CCDC171: variants seen among roughly 807,000 people sequenced by gnomAD.
CCDC171 encodes the protein coiled-coil domain containing 171, also known as coiled-coil domain-containing protein 171.
A neutral mutation model predicts 168.2 loss-of-function variants in CCDC171; 177 were observed. That is an observed-to-expected ratio of 1.05 (90% CI 0.93 to 1.19). The LOEUF (loss-of-function observed/expected upper bound fraction) is 1.19. CCDC171 is among the 50% of genes most tolerant of loss of function. CCDC171 has a pLI of 0.00. For synonymous variants in CCDC171, 687 were observed against 540.8 expected (o/e 1.27, Z -3.75); for missense variants, 1,991 against 1,539.0 (o/e 1.29, Z -4.91).
rs143355887 is a variant in CCDC171 at position 15,661,056 on chromosome 9, G to A, written c.915+3837G>A. ...AGCACTTTGGGAGGCCGAGGCGGGT[G>A]GATCATGAGGTCAGGAGATCGAGAC... is the stretch of plus-strand genomic sequence containing the variant. On this transcript the variant is annotated intron_variant, in intron 8 of 25. Transcript: ENST00000380701. Among the ~76,000 whole-genome samples the A allele has an allele frequency of 7.7e-4, 118 of 152,296 alleles. 1 individual carries two copies. The highest frequency in any genetic ancestry group is 2.6e-3 in the African/African-American group (110 of 41,562).
At chr9:15,724,723 C>G (rs953348797) in intron 13 of CCDC171, 53 bp from the exon 14 acceptor site, 1 of 1,215,942 alleles carries the variant, frequency 8.2e-7, no homozygotes, top group African/African-American at 1.5e-5. Flanking sequence ...AGTGTCCCCT[C>G]ACCCCTTGTT....
At chr9:15,737,743 T>C (rs1210095275) in intron 16 of CCDC171, among the ~76,000 whole-genome samples, 1 of 152,178 alleles carries the variant, frequency 6.6e-6, no homozygotes, top group African/African-American at 2.4e-5. Context: ...GTAATGAAGA[T>C]AGTGTTTTAA....
At chr9:15,802,859 T>C (rs1025814504) in intron 21 of CCDC171, among the ~76,000 whole-genome samples, 28 of 152,168 alleles carry the variant, frequency 1.8e-4, no homozygotes, top group African/African-American at 6.8e-4. Context: ...TCAAACTAAT[T>C]TACACTCCCA....
chr9:15,770,338 C>T (rs1236373864), intron 18 of CCDC171, among the ~76,000 whole-genome samples: 1 of 152,142 alleles, frequency 6.6e-6, no homozygotes, highest in Non-Finnish European at 1.5e-5. Flanking sequence ...CTGTCTTGTA[C>T]TTAATGGATT....
intron 2 of CCDC171, among the ~76,000 whole-genome samples, chr9:15,569,155 C>T (rs111537824): frequency 2.0e-5 from 3 of 152,226 alleles, no homozygotes; most frequent in East Asian, 3.9e-4. Context: ...TAGGCCTTTT[C>T]GGTTTGAAAC....
At chr9:16,034,317 G>C (rs907006226) in intron 6 of CCDC171, among the ~76,000 whole-genome samples, 15 of 152,270 alleles carry the variant, frequency 9.9e-5, no homozygotes, top group Middle Eastern at 3.4e-3. Flanking sequence ...GTTTCAGGAG[G>C]GAGGCCACCT....
intron 3 of CCDC171, among the ~76,000 whole-genome samples, chr9:15,991,924 G>T (rs1832213665): frequency 6.6e-6 from 1 of 152,190 alleles, no homozygotes; most frequent in Admixed American, 6.5e-5. Context: ...CTCTGAAATT[G>T]AGGCAATAAT....
intron 8 of CCDC171, among the ~76,000 whole-genome samples, chr9:15,660,794 C>T (rs926823315): frequency 1.3e-5 from 2 of 152,116 alleles, no homozygotes; most frequent in Non-Finnish European, 2.9e-5. Context: ...CATAAAAGTG[C>T]ATGTGTTTTT....
intron 23 of CCDC171, among the ~76,000 whole-genome samples, chr9:15,849,611 G>A (rs1437746190): frequency 6.6e-6 from 1 of 151,562 alleles, no homozygotes; most frequent in Non-Finnish European, 1.5e-5. Flanking sequence ...TGAAAGATGT[G>A]TTCATTATTT....
In CCDC171 at chr9:15,782,150, A is replaced by G. The variant is rs547792170; in HGVS notation, c.3082-2359A>G. ...CAACCATTTGTCTCTCGCTCATTTCAGAAAAAGTGTATTGGAGAGAATAAA... is the reference window on the plus strand; with the variant it reads ...CAACCATTTGTCTCTCGCTCATTTCGGAAAAAGTGTATTGGAGAGAATAAA... On this transcript the variant is annotated intron_variant, in intron 20 of 25. Coordinates refer to ENST00000380701, the MANE Select transcript of CCDC171 (RefSeq NM_173550.4). Among the ~76,000 whole-genome samples the G allele has an allele frequency of 1.3e-4, 20 of 152,360 alleles. No homozygotes were observed. The South Asian group carries it at 4.1e-3, about 32-fold the overall frequency.
intron 8 of CCDC171, among the ~76,000 whole-genome samples, chr9:15,664,350 G>T (rs1009197887): frequency 1.1e-4 from 17 of 152,094 alleles, no homozygotes; most frequent in Admixed American, 2.6e-4. Flanking sequence ...CCCAGCTCAA[G>T]TGATCTGCCC....
chr9:15,972,149 C>T lies in CCDC171; in HGVS notation c.*313C>T, dbSNP rs940179398. 6.6e-6 allele frequency: 2 copies of T among 304,980 alleles called. No homozygotes were observed. Among genetic ancestry groups the T allele is most frequent in the Non-Finnish European group, 1.2e-5 (2 of 165,250 alleles). 18.9% of individuals were successfully genotyped at this position (304,980 alleles called of 1,614,324 possible). A position where few individuals can be genotyped will look rare whatever the true frequency, so the allele number is the denominator to read the frequency against. The stretch of plus-strand genomic sequence containing the variant: ...ATCAATAAGCCATTTTAGTCTCTAT[C>T]TATCAAAGTTGTTTCATACTTGTCT... On this transcript the variant is annotated 3_prime_UTR_variant, in exon 26 of 26. Transcript: ENST00000380701.
intron 1 of CCDC171, among the ~76,000 whole-genome samples, chr9:15,561,877 G>A (rs2039330272): frequency 6.6e-6 from 1 of 151,950 alleles, no homozygotes; most frequent in African/African-American, 2.4e-5. Context: ...AGCTGGTGTG[G>A]AAACCCATTT....
At chr9:15,730,723 G>A (rs1376603221) in intron 16 of CCDC171, among the ~76,000 whole-genome samples, 1 of 151,744 alleles carries the variant, frequency 6.6e-6, no homozygotes, top group Non-Finnish European at 1.5e-5. Flanking sequence ...GGTCCTATAT[G>A]AACTTATGCC....
intron 6 of CCDC171, among the ~76,000 whole-genome samples, chr9:15,621,244 G>T (rs541005271): frequency 6.6e-6 from 1 of 152,178 alleles, no homozygotes; most frequent in Non-Finnish European, 1.5e-5. Context: ...TGGGATTACA[G>T]GCGTGAGCCA....
Position 15,827,825 on chromosome 9 carries a change from C to G in CCDC171, c.3268-18877C>G, listed in dbSNP as rs796112505. Among the ~76,000 whole-genome samples the G allele has an allele frequency of 8.8e-4, 134 of 152,188 alleles. 1 individual carries two copies. Among genetic ancestry groups the G allele is most frequent in the African/African-American group, 2.5e-3 (104 of 41,544 alleles). On this transcript the variant is annotated intron_variant, in intron 21 of 25. Transcript: ENST00000380701. ...GTTTGTTGTAGCTGAATAAGCTTTT[C>G]TGCTTCTAAGTAATTTTTTTGTGTG...
At chr9:15,649,198 T>G (rs1336724976) in intron 7 of CCDC171, among the ~76,000 whole-genome samples, 3 of 152,154 alleles carry the variant, frequency 2.0e-5, no homozygotes, top group Non-Finnish European at 4.4e-5. Flanking sequence ...TAGCCATATG[T>G]AGAAAGCTGA....
chr9:15,593,968 A>G (rs1376467578), intron 5 of CCDC171, 73 bp from the exon 6 acceptor site: 3 of 989,580 alleles, frequency 3.0e-6, no homozygotes, highest in Non-Finnish European at 3.1e-6. Context: ...GCCTCTTTGT[A>G]CATTTAAACT....
intron 20 of CCDC171, among the ~76,000 whole-genome samples, chr9:15,782,359 T>A (rs977327798): frequency 1.3e-5 from 2 of 152,218 alleles, no homozygotes; most frequent in African/African-American, 4.8e-5. Flanking sequence ...ACACACCATC[T>A]CTTTCTTATT....
Sources: allele counts gnomAD v4.1 joint callset (sites outside exome capture counted in the v4.1 genomes callset), GRCh38; gene constraint gnomAD v4.1.1; transcripts MANE v1.5; gene names NCBI Gene and HGNC (gene_info 2026-07-23, HGNC 2026-07-21).